SKP2: variants seen among roughly 807,000 people sequenced by gnomAD.
SKP2 encodes the protein S-phase kinase associated protein 2.
Under a neutral mutation model 51.8 loss-of-function variants are expected in SKP2, and 16 were observed. The ratio of observed to expected loss-of-function variants is 0.31; its 90% CI spans 0.21 to 0.47. SKP2 has a LOEUF of 0.47. SKP2 is among the 20% of genes least tolerant of loss of function. The probability of loss-of-function intolerance (pLI) is 1.00; values close to 1 mark genes in which losing one functional copy is unlikely to be tolerated. For synonymous variants in SKP2, 176 were observed against 198.6 expected, an observed-to-expected ratio of 0.89 and a Z score of 0.96; for missense variants, 377 against 505.3, an observed-to-expected ratio of 0.75 and a Z score of 2.43.
intron 4 of SKP2, among the ~76,000 whole-genome samples, chr5:36,167,405 G>A (rs1201884408): frequency 1.3e-5 from 2 of 152,060 alleles, no homozygotes; most frequent in Admixed American, 6.6e-5. Flanking sequence ...CTCCAGGGTC[G>A]GTTCCTGGCT....
At chr5:36,154,408 G>A (rs1165766208) in intron 2 of SKP2, among the ~76,000 whole-genome samples, 1 of 152,134 alleles carries the variant, frequency 6.6e-6, no homozygotes, top group Non-Finnish European at 1.5e-5. Flanking sequence ...GGAGAGTCGG[G>A]GGAGATCAGG....
rs551664229 is a variant in SKP2, at chr5:36,192,665, C to G, written c.677C>G (p.Ser226Ter). 4 of 152,202 alleles carry G rather than the reference C, an allele frequency of 2.6e-5. No individual in the cohort carries two copies. In the South Asian group the frequency reaches 8.3e-4, roughly 32 times the overall value. 9.4% of individuals were successfully genotyped at this position (152,202 alleles called of 1,614,324 possible). ...ACAAGGAGTATCAAAAATATTAAGT[C>G]AAAATTATCTGAAGAGCCTACACTG... The change falls in exon 7 of 8, where the codon TCA (serine) becomes TGA (stop). Residue 226 changes from serine (S) to a stop codon, truncating the protein, a stop_gained. Coordinates refer to the SKP2 transcript ENST00000677886. LOFTEE classifies it low-confidence loss of function (END_TRUNC).
chr5:36,153,745 C>T (rs33674), intron 2 of SKP2, among the ~76,000 whole-genome samples: 19,379 of 152,142 alleles, frequency 0.13, 2,071 homozygotes, highest in African/African-American at 0.29. Flanking sequence ...ATCTATCCCC[C>T]GAACTAGAAT....
At chr5:36,185,090 G>T (rs1745933779), downstream of SKP2, among the ~76,000 whole-genome samples, 1 of 152,118 alleles carries the variant, frequency 6.6e-6, no homozygotes, top group East Asian at 1.9e-4. Context: ...CATATCCTTT[G>T]CCCACTTTTT....
At chr5:36,191,780 G>T (rs1365724467) in intron 6 of SKP2, among the ~76,000 whole-genome samples, 1 of 152,010 alleles carries the variant, frequency 6.6e-6, no homozygotes, top group Non-Finnish European at 1.5e-5. Flanking sequence ...CAAGCAAGAT[G>T]ACAACCTCCT....
At chr5:36,177,111 G>A (rs1235344728) in intron 8 of SKP2, 74 bp from the exon 9 acceptor site, 4 of 1,297,640 alleles carry the variant, frequency 3.1e-6, no homozygotes, top group Non-Finnish European at 4.5e-6. Flanking sequence ...CAACTAAACA[G>A]TAGGTTATTT....
In SKP2 at chr5:36,183,678, T is replaced by A; in HGVS notation, c.*1647T>A. On this transcript the variant is annotated 3_prime_UTR_variant, in exon 10 of 10. Coordinates refer to ENST00000274255, the MANE Select transcript of SKP2 (RefSeq NM_005983.4). ...ACCAGTCATTTATATTAACTTTTTT[T>A]TTTTAAATCAAAAATTGTTAATGTT... 1 of 1,248,984 alleles carries A rather than the reference T, an allele frequency of 8.0e-7. No homozygotes were observed. The highest frequency in any genetic ancestry group is 1.0e-6 in the Non-Finnish European group (1 of 990,670). 77.4% of individuals were successfully genotyped at this position (1,248,984 alleles called of 1,614,324 possible).
rs1446210876 is a variant in SKP2, at chr5:36,184,255, C to G, written c.*2224C>G. ...CCTTTATAAAAGGGGCTAATACAGT[C>G]TTGTTATCTTTTTTTTTAAATTATA... On this transcript the variant is annotated 3_prime_UTR_variant, in exon 10 of 10. Transcript: ENST00000274255. 4.0e-6 allele frequency: 1 copy of G among 252,728 alleles called. No individual in the cohort carries two copies. Among genetic ancestry groups the G allele is most frequent in the Non-Finnish European group, 7.4e-6 (1 of 134,658 alleles). 15.7% of individuals were successfully genotyped at this position (252,728 alleles called of 1,614,324 possible). A position where few individuals can be genotyped will look rare whatever the true frequency, so the allele number is the denominator to read the frequency against.
At chr5:36,181,708 T>C (rs188363890) in intron 9 of SKP2, 110 bp from the exon 10 acceptor site, 23 of 1,100,758 alleles carry the variant, frequency 2.1e-5, no homozygotes, top group Admixed American at 1.2e-4. Context: ...AATTACACTT[T>C]CAGACTGCAT....
intron 2 of SKP2, among the ~76,000 whole-genome samples, chr5:36,163,274 G>T (rs972150373): frequency 3.9e-5 from 6 of 152,162 alleles, no homozygotes; most frequent in African/African-American, 1.4e-4. Context: ...CATTTGAGAG[G>T]GTGGGACTTG....
downstream of SKP2, among the ~76,000 whole-genome samples, chr5:36,186,931 G>T (rs572060882): frequency 2.6e-3 from 389 of 152,246 alleles, 5 homozygotes; most frequent in African/African-American, 8.9e-3. Context: ...GCCTGTTATT[G>T]GTCTATTCAG....
intron 9 of SKP2, among the ~76,000 whole-genome samples, chr5:36,179,678 A>G (rs1410122332): frequency 6.6e-6 from 1 of 152,200 alleles, no homozygotes; most frequent in Admixed American, 6.5e-5. Flanking sequence ...TATTGTACAG[A>G]TAAGGTAAGG....
At chr5:36,161,183 T>TG (rs1466830198) in intron 2 of SKP2, among the ~76,000 whole-genome samples, 4 of 152,114 alleles carry the variant, frequency 2.6e-5, no homozygotes, top group Admixed American at 1.3e-4. Context: ...TATTTATCAT[T>TG]GTGTCCTTAA....
At chr5:36,181,405 G>T (rs1331533120) in intron 9 of SKP2, among the ~76,000 whole-genome samples, 1 of 152,154 alleles carries the variant, frequency 6.6e-6, no homozygotes, top group Non-Finnish European at 1.5e-5. Flanking sequence ...TCCTTAATTT[G>T]CATGTAACCT....
chr5:36,173,298 A>C (rs1183414516), intron 7 of SKP2, among the ~76,000 whole-genome samples: 4 of 152,182 alleles, frequency 2.6e-5, no homozygotes, highest in African/African-American at 9.6e-5. Context: ...CTTTAGATGC[A>C]TTTCTAAGGA....
At chr5:36,156,808 TC>T (rs759536490) in intron 2 of SKP2, among the ~76,000 whole-genome samples, 6 of 152,128 alleles carry the variant, frequency 3.9e-5, no homozygotes, top group Admixed American at 2.0e-4. Flanking sequence ...TATATCAGAA[TC>T]CCCACAGGAA....
intron 6 of SKP2, among the ~76,000 whole-genome samples, chr5:36,189,670 G>C (rs368610360): frequency 6.6e-6 from 1 of 152,188 alleles, no homozygotes; most frequent in Non-Finnish European, 1.5e-5. Context: ...GGGGGTCAGG[G>C]ACCCACTTGA....
At chr5:36,176,364 CTA>C (rs994728676) in intron 7 of SKP2, among the ~76,000 whole-genome samples, 2 of 151,272 alleles carry the variant, frequency 1.3e-5, no homozygotes, top group Non-Finnish European at 3.0e-5. Flanking sequence ...TATGTGTTCC[CTA>C]TGTTTTCTTT....
intron 6 of SKP2, among the ~76,000 whole-genome samples, chr5:36,191,277 A>G (rs1288031236): frequency 6.6e-6 from 1 of 152,148 alleles, no homozygotes; most frequent in Non-Finnish European, 1.5e-5. Flanking sequence ...CATACAGGCA[A>G]TAGAGGCTAA....
Sources: allele counts gnomAD v4.1 joint callset (sites outside exome capture counted in the v4.1 genomes callset), GRCh38; gene constraint gnomAD v4.1.1; transcripts MANE v1.5; gene names NCBI Gene and HGNC (gene_info 2026-07-23, HGNC 2026-07-21).